The following PCDHA2 variants were observed in gnomAD, a reference collection of about 807,000 sequenced individuals.
PCDHA2 encodes the protein protocadherin alpha 2, also known as protocadherin alpha-2.
PCDHA2 carries 58 observed loss-of-function variants against 66.0 expected under a neutral mutation model. That is an observed-to-expected ratio of 0.88 (90% CI 0.71 to 1.09). The LOEUF is 1.09. PCDHA2 is among the 50% of genes least tolerant of loss of function. PCDHA2 has a pLI of 0.00. For missense variants in PCDHA2, 1,267 were observed against 1,242.3 expected, an observed-to-expected ratio of 1.02 and a Z score of -0.30; for synonymous variants, 634 against 554.0, an observed-to-expected ratio of 1.14 and a Z score of -2.03.
intron 1 of PCDHA2, chr5:140,836,297 T>A: frequency 1.2e-6 from 2 of 1,613,694 alleles, no homozygotes; most frequent in Non-Finnish European, 1.7e-6. Context: ...GAGCCCTAGA[T>A]GAGACGGACG....
intron 1 of PCDHA2, among the ~76,000 whole-genome samples, chr5:140,957,899 A>G (rs551066654): frequency 3.0e-4 from 46 of 152,226 alleles, no homozygotes; most frequent in African/African-American, 1.1e-3. Flanking sequence ...GCATCAACCA[A>G]GGCATATTGT....
At chr5:140,910,891 C>T (rs1273456408) in intron 1 of PCDHA2, among the ~76,000 whole-genome samples, 1 of 152,176 alleles carries the variant, frequency 6.6e-6, no homozygotes, top group Admixed American at 6.5e-5. Context: ...ATATCCATTC[C>T]TATGCCTGTC....
chr5:140,988,332 A>G (rs2097293198), intron 3 of PCDHA2, among the ~76,000 whole-genome samples: 1 of 152,230 alleles, frequency 6.6e-6, no homozygotes, highest in Non-Finnish European at 1.5e-5. Context: ...ACCCGAGGAA[A>G]GTAAGTCCTT....
chr5:140,809,124 G>A (rs147674000), intron 1 of PCDHA2: 7 of 1,613,980 alleles, frequency 4.3e-6, no homozygotes, highest in Admixed American at 1.7e-5. Flanking sequence ...CCGCGCCACC[G>A]CCTACTGGTA....
At chr5:140,982,127 C>G (rs1367393953) in intron 2 of PCDHA2, among the ~76,000 whole-genome samples, 1 of 152,244 alleles carries the variant, frequency 6.6e-6, no homozygotes, top group Non-Finnish European at 1.5e-5. Flanking sequence ...CTTTTGAGAA[C>G]AAGCCCTCCT....
chr5:140,855,926 G>A lies in PCDHA2; in HGVS notation c.2388+58574G>A, dbSNP rs1420815177. On this transcript the variant is annotated intron_variant, in intron 1 of 3. Transcript: ENST00000526136. ...AGTTTCTCAAGGACTAGGAAGTAGC[G>A]TCATTCTGAGATCTCAGCCATTTCG... is the stretch of plus-strand genomic sequence containing the variant. 2.4e-6 allele frequency: 3 copies of A among 1,256,218 alleles called. 1 individual carries two copies. The highest frequency in any genetic ancestry group is 3.3e-6 in the Non-Finnish European group (3 of 905,286). 77.8% of individuals were successfully genotyped at this position (1,256,218 alleles called of 1,614,324 possible). A position where few individuals can be genotyped will look rare whatever the true frequency, so the allele number is the denominator to read the frequency against.
At chr5:140,903,416 T>A (rs2070284951) in intron 1 of PCDHA2, among the ~76,000 whole-genome samples, 1 of 152,184 alleles carries the variant, frequency 6.6e-6, no homozygotes, top group Admixed American at 6.5e-5. Flanking sequence ...TCAGGAAAAA[T>A]TCAGCACAAT....
At chr5:140,890,829 T>A (rs1477608523) in intron 1 of PCDHA2, among the ~76,000 whole-genome samples, 1 of 152,226 alleles carries the variant, frequency 6.6e-6, no homozygotes, top group Non-Finnish European at 1.5e-5. Context: ...TGTACTTACA[T>A]ATTTACCAGT....
intron 1 of PCDHA2, among the ~76,000 whole-genome samples, chr5:140,909,407 T>C (rs1004172644): frequency 3.3e-5 from 5 of 152,172 alleles, no homozygotes; most frequent in Non-Finnish European, 7.3e-5. Context: ...GCAATTGCAG[T>C]TACCATTTGG....
At chr5:140,844,618 A>G (rs1230516172) in intron 1 of PCDHA2, among the ~76,000 whole-genome samples, 4 of 149,532 alleles carry the variant, frequency 2.7e-5, no homozygotes, top group African/African-American at 9.8e-5. Context: ...AAATGTTTTC[A>G]TCAGAAAAAC....
intron 1 of PCDHA2, among the ~76,000 whole-genome samples, chr5:140,926,054 T>A (rs1018660828): frequency 6.6e-6 from 1 of 152,182 alleles, no homozygotes; most frequent in African/African-American, 2.4e-5. Flanking sequence ...CCCAACCTTC[T>A]TCCCCTCCTT....
At chr5:140,814,103 A>C (rs1765435463) in intron 1 of PCDHA2, 1 of 153,702 alleles carries the variant, frequency 6.5e-6, no homozygotes, top group Non-Finnish European at 1.4e-5. Context: ...AATAACGCTT[A>C]GCTTAAAACA....
intron 1 of PCDHA2, among the ~76,000 whole-genome samples, chr5:140,800,467 T>A (rs2149943648): frequency 6.6e-6 from 1 of 152,302 alleles, no homozygotes; most frequent in South Asian, 2.1e-4. Flanking sequence ...ATGTATGTTT[T>A]AATATATACA....
chr5:140,920,180 T>C (rs1386784105), intron 1 of PCDHA2, among the ~76,000 whole-genome samples: 1 of 152,198 alleles, frequency 6.6e-6, no homozygotes, highest in Admixed American at 6.5e-5. Context: ...ACCCAGTGTG[T>C]AGTAATTTGT....
At chr5:140,891,371 T>C (rs1483919316) in intron 1 of PCDHA2, among the ~76,000 whole-genome samples, 1 of 152,146 alleles carries the variant, frequency 6.6e-6, no homozygotes, top group Non-Finnish European at 1.5e-5. Flanking sequence ...CAGTATACAT[T>C]GCACCATATT....
At chr5:140,877,851 A>G in intron 1 of PCDHA2, 1 of 1,546,284 alleles carries the variant, frequency 6.5e-7, no homozygotes, top group South Asian at 1.3e-5. Context: ...TAAGTTATTA[A>G]TATTATTTAG....
chr5:140,808,600 C>A, intron 1 of PCDHA2: 2 of 1,613,924 alleles, frequency 1.2e-6, no homozygotes, highest in Non-Finnish European at 1.7e-6. Context: ...ACCCGCCGGG[C>A]TGCCACATCT....
At chr5:140,851,386 G>A (rs1374142206) in intron 1 of PCDHA2, 1 of 975,080 alleles carries the variant, frequency 1.0e-6, no homozygotes, top group African/African-American at 1.8e-5. Flanking sequence ...GCAACCTTCA[G>A]TATCTATTAT....
At chr5:140,856,077 T>A in intron 1 of PCDHA2, 1 of 1,593,712 alleles carries the variant, frequency 6.3e-7, no homozygotes, top group South Asian at 1.1e-5. Flanking sequence ...TGCCTGGGGG[T>A]CCAGTGTCTG....
Sources: gnomAD v4.1 joint callset for allele counts (sites outside exome capture counted in the v4.1 genomes callset) on GRCh38, gnomAD v4.1.1 for gene constraint, MANE v1.5 for transcripts, NCBI Gene and HGNC (gene_info 2026-07-23, HGNC 2026-07-21) for gene names.